The following COL21A1 variants were observed in gnomAD, a reference collection of about 807,000 sequenced individuals.
The protein encoded by COL21A1 is collagen alpha-1(XXI) chain.
A neutral mutation model predicts 137.9 loss-of-function variants in COL21A1; 149 were observed. The observed-to-expected ratio is 1.08, with a 90% CI of 0.95 to 1.24. COL21A1 has a LOEUF of 1.24. Ranked by LOEUF, COL21A1 falls within the 50% of genes most tolerant of loss-of-function variation. The probability of loss-of-function intolerance (pLI) is 0.00; values close to 1 mark genes in which losing one functional copy is unlikely to be tolerated. For missense variants in COL21A1, 1,167 were observed against 1,158.4 expected, an observed-to-expected ratio of 1.01 and a Z score of -0.11; for synonymous variants, 456 against 391.5, an observed-to-expected ratio of 1.16 and a Z score of -1.95.
chr6:56,303,315 C>T (rs1336047886), intron 1 of COL21A1, among the ~76,000 whole-genome samples: 1 of 152,138 alleles, frequency 6.6e-6, no homozygotes, highest in Non-Finnish European at 1.5e-5. Context: ...TATAAATTAC[C>T]TTGGGCAGTA....
intron 1 of COL21A1, chr6:56,276,943 G>A: frequency 5.6e-6 from 2 of 357,252 alleles, no homozygotes; most frequent in Non-Finnish European, 1.0e-5. Context: ...GAGTAGCTGG[G>A]ACTACAGGCG....
At position 56,179,868 on chromosome 6, in the gene COL21A1, C is replaced by G. The variant is rs889295348; in HGVS notation, c.350G>C (p.Gly117Ala). The change falls in exon 3 of 30, where the codon GGG becomes GCG. Residue 117 changes from glycine (G) to alanine (A), a missense_variant. Gly to Ala is a moderately conservative substitution (Grantham distance 60, BLOSUM62 0). Transcript: ENST00000244728. ...ILYLGGNTKT[G>A]KAIQFALDYL... is the part of the protein sequence containing the mutation. ...ATCGAGCGCAAACTGGATGGCCTTC[C>G]CTGTCTTTGTGTTTCCTCCTAAGTA... The G allele has an allele frequency of 1.9e-6, 3 of 1,613,904 alleles. No homozygotes were observed. The highest frequency in any genetic ancestry group is 2.5e-6 in the Non-Finnish European group (3 of 1,179,866).
At chr6:56,365,048 G>A (rs1387239780) in intron 1 of COL21A1, among the ~76,000 whole-genome samples, 1 of 152,078 alleles carries the variant, frequency 6.6e-6, no homozygotes, top group African/African-American at 2.4e-5. Context: ...AACATGTCCA[G>A]GAAACATACT....
chr6:56,256,996 A>G (rs1342363334), intron 1 of COL21A1, among the ~76,000 whole-genome samples: 3 of 152,198 alleles, frequency 2.0e-5, no homozygotes, highest in Non-Finnish European at 4.4e-5. Context: ...GATGAATCTT[A>G]TATTTCCCAT....
At chr6:56,157,719 T>C (rs763738070) in intron 9 of COL21A1, among the ~76,000 whole-genome samples, 34 of 152,238 alleles carry the variant, frequency 2.2e-4, no homozygotes, top group Admixed American at 8.5e-4. Context: ...TCATGTAGAA[T>C]TCAAGTTTAA....
chr6:56,214,014 G>A (rs1780339176), intron 1 of COL21A1, among the ~76,000 whole-genome samples: 1 of 152,022 alleles, frequency 6.6e-6, no homozygotes, highest in Non-Finnish European at 1.5e-5. Context: ...AAGATTTTAT[G>A]CTATAGCCAT....
intron 1 of COL21A1, among the ~76,000 whole-genome samples, chr6:56,244,683 A>G (rs1412876334): frequency 6.6e-6 from 1 of 152,204 alleles, no homozygotes; most frequent in Non-Finnish European, 1.5e-5. Flanking sequence ...TAGAAGTCAT[A>G]TATGATTGGT....
At chr6:56,378,840 T>C (rs1461858707) in intron 1 of COL21A1, among the ~76,000 whole-genome samples, 1 of 152,196 alleles carries the variant, frequency 6.6e-6, no homozygotes, top group African/African-American at 2.4e-5. Flanking sequence ...ACAGGAGTGC[T>C]TGTGTCACTC....
chr6:56,283,348 G>GA (rs901296054), intron 1 of COL21A1, among the ~76,000 whole-genome samples: 159 of 151,400 alleles, frequency 1.1e-3, no homozygotes, highest in African/African-American at 3.5e-3. Context: ...TAACCATGTA[G>GA]AAAAAAAATC....
chr6:56,162,832 A>G (rs1306657939), intron 9 of COL21A1, among the ~76,000 whole-genome samples: 1 of 152,230 alleles, frequency 6.6e-6, no homozygotes, highest in African/African-American at 2.4e-5. Flanking sequence ...CTCCCAGGAG[A>G]ATTTTATAAG....
At chr6:56,081,183 G>A (rs1767726591) in intron 17 of COL21A1, among the ~76,000 whole-genome samples, 1 of 151,624 alleles carries the variant, frequency 6.6e-6, no homozygotes, top group South Asian at 2.1e-4. Flanking sequence ...AATACTTGAA[G>A]TCAACTTTTT....
intron 1 of COL21A1, among the ~76,000 whole-genome samples, chr6:56,212,506 T>G: frequency 6.6e-6 from 1 of 152,068 alleles, no homozygotes; most frequent in East Asian, 1.9e-4. Flanking sequence ...GATAAGGACT[T>G]AGCATTTAAG....
At chr6:56,223,690 A>G (rs1434946943) in intron 1 of COL21A1, among the ~76,000 whole-genome samples, 1 of 152,130 alleles carries the variant, frequency 6.6e-6, no homozygotes, top group Non-Finnish European at 1.5e-5. Flanking sequence ...TGATATTTGC[A>G]TAATGCATTC....
At chr6:56,280,200 C>T (rs1349201436) in intron 1 of COL21A1, among the ~76,000 whole-genome samples, 1 of 152,166 alleles carries the variant, frequency 6.6e-6, no homozygotes, top group Non-Finnish European at 1.5e-5. Flanking sequence ...AATTTCAGTT[C>T]CACAAGCTTT....
intron 22 of COL21A1, 195 bp downstream of exon 22, chr6:56,068,851 T>G (rs900612505): frequency 2.1e-6 from 1 of 478,658 alleles, no homozygotes; most frequent in Admixed American, 4.3e-5. Flanking sequence ...TAGGAGACAA[T>G]ACCCATGTGG....
intron 12 of COL21A1, among the ~76,000 whole-genome samples, chr6:56,132,933 G>A (rs978166859): frequency 3.0e-4 from 46 of 152,164 alleles, no homozygotes; most frequent in African/African-American, 1.0e-3. Flanking sequence ...GGCCTCCCCA[G>A]CCACATGAAA....
At chr6:56,096,683 C>G (rs1464163304) in intron 17 of COL21A1, among the ~76,000 whole-genome samples, 1 of 152,082 alleles carries the variant, frequency 6.6e-6, no homozygotes, top group Non-Finnish European at 1.5e-5. Context: ...TATCAATCTG[C>G]TTACAGGGAT....
At chr6:56,098,678 AAT>A (rs1318260084) in intron 17 of COL21A1, among the ~76,000 whole-genome samples, 2 of 52,056 alleles carry the variant, frequency 3.8e-5, no homozygotes, top group Non-Finnish European at 6.9e-5. Context: ...TATATATATA[AAT>A]ATATATAAAT....
chr6:56,287,730 A>C (rs540226110), intron 1 of COL21A1, among the ~76,000 whole-genome samples: 1 of 152,242 alleles, frequency 6.6e-6, no homozygotes, highest in African/African-American at 2.4e-5. Context: ...ACTAATACAG[A>C]GGAAATAAGA....
Sources: allele counts gnomAD v4.1 joint callset (sites outside exome capture counted in the v4.1 genomes callset), GRCh38; gene constraint gnomAD v4.1.1; transcripts MANE v1.5; gene names NCBI Gene and HGNC (gene_info 2026-07-23, HGNC 2026-07-21).